RBFOX1: variants seen among roughly 807,000 people sequenced by gnomAD.
RBFOX1 encodes the protein RNA binding fox-1 homolog 1.
RBFOX1 carries 8 observed loss-of-function variants against 57.7 expected under a neutral mutation model. The observed-to-expected ratio is 0.14, with a 90% CI of 0.08 to 0.25. The LOEUF (loss-of-function observed/expected upper bound fraction) is 0.25, where lower values mean the gene tolerates loss of function less well. Ranked by LOEUF, RBFOX1 falls within the 10% of genes least tolerant of loss-of-function variation. The pLI is 1.00. For missense variants in RBFOX1, 611 were observed against 548.5 expected (o/e 1.11, Z -1.14); for synonymous variants, 326 against 222.4 (o/e 1.47, Z -4.15).
rs1568051049 is a variant in RBFOX1 at position 7,289,616 on chromosome 16, CCAT to C, written c.28-228522_28-228520del. Among the ~76,000 whole-genome samples, 3 of 152,058 alleles carry C rather than the reference CCAT, an allele frequency of 2.0e-5. No homozygotes were observed. The East Asian group carries it at 5.8e-4, about 29-fold the overall frequency. On this transcript the variant is annotated intron_variant, in intron 4 of 15. Transcript: ENST00000550418. ...ACCATCACTTTCATCATAGTCATCA[CCAT>C]CATCATCACCATGATCATGATCATC...
At chr16:5,867,179 G>GTGT (rs2057362113) in intron 3 of RBFOX1, 1 of 444,396 alleles carries the variant, frequency 2.3e-6, no homozygotes, top group South Asian at 1.3e-4. Context: ...TGTGTGGTGT[G>GTGT]TGTTGCAACC....
chr16:6,629,413 T>C (rs1252781722), intron 2 of RBFOX1, among the ~76,000 whole-genome samples: 1 of 152,236 alleles, frequency 6.6e-6, no homozygotes, highest in African/African-American at 2.4e-5. Context: ...GCTACAATTT[T>C]TCAAAGTCAG....
chr16:6,848,954 C>T (rs1488832878), intron 3 of RBFOX1, among the ~76,000 whole-genome samples: 2 of 152,156 alleles, frequency 1.3e-5, no homozygotes, highest in African/African-American at 4.8e-5. Context: ...TTCTACCTTG[C>T]TTCATGCACG....
chr16:6,585,002 C>G (rs546865835), intron 2 of RBFOX1, among the ~76,000 whole-genome samples: 1 of 152,174 alleles, frequency 6.6e-6, no homozygotes, highest in Non-Finnish European at 1.5e-5. Flanking sequence ...ACCAAAGCTG[C>G]AGGCAAGCGG....
At chr16:6,736,434 C>T (rs915601510) in intron 3 of RBFOX1, among the ~76,000 whole-genome samples, 8 of 152,184 alleles carry the variant, frequency 5.3e-5, no homozygotes, top group Admixed American at 3.3e-4. Flanking sequence ...TGAGTTACAT[C>T]ACTTAGAGTA....
chr16:5,760,826 G>A (rs1050227981), intron 3 of RBFOX1, among the ~76,000 whole-genome samples: 7 of 152,182 alleles, frequency 4.6e-5, no homozygotes, highest in African/African-American at 1.2e-4. Context: ...TAGGTTGGTC[G>A]TTACTGGGAG....
chr16:6,401,191 A>G (rs1441634505), intron 2 of RBFOX1, among the ~76,000 whole-genome samples: 1 of 152,200 alleles, frequency 6.6e-6, no homozygotes, highest in East Asian at 1.9e-4. Flanking sequence ...TCAAAGAATG[A>G]TGGGAGCATG....
chr16:6,494,323 C>T (rs929991436), intron 2 of RBFOX1, among the ~76,000 whole-genome samples: 3 of 152,180 alleles, frequency 2.0e-5, no homozygotes, highest in Non-Finnish European at 4.4e-5. Context: ...AGGTACTGAG[C>T]AGTTCCATCC....
At chr16:5,698,420 T>C (rs747643482) in intron 3 of RBFOX1, among the ~76,000 whole-genome samples, 2 of 152,204 alleles carry the variant, frequency 1.3e-5, no homozygotes, top group African/African-American at 2.4e-5. Context: ...TATTGGCTTA[T>C]TGTAGTTTCC....
At chr16:5,608,435 T>G (rs1301045511) in intron 3 of RBFOX1, among the ~76,000 whole-genome samples, 1 of 152,216 alleles carries the variant, frequency 6.6e-6, no homozygotes, top group Non-Finnish European at 1.5e-5. Flanking sequence ...TGTGCATGGC[T>G]GGGAACCAGG....
At chr16:7,331,506 G>C (rs1385839966) in intron 4 of RBFOX1, among the ~76,000 whole-genome samples, 1 of 152,156 alleles carries the variant, frequency 6.6e-6, no homozygotes, top group African/African-American at 2.4e-5. Flanking sequence ...ATTGTTATCT[G>C]AGCCTTCAGT....
Position 7,587,307 on chromosome 16 carries a change from A to C in RBFOX1, c.468+7A>C. 6.5e-7 allele frequency: 1 copy of C among 1,550,156 alleles called. No homozygotes were observed. Among genetic ancestry groups the C allele is most frequent in the Non-Finnish European group, 8.7e-7 (1 of 1,150,654 alleles). ...TAATGAGCGAGGCTCAAAGGTAAGCAACTTAATTCACTTTAGAATTGTTTA... is the reference window on the plus strand; with the variant it reads ...TAATGAGCGAGGCTCAAAGGTAAGCCACTTAATTCACTTTAGAATTGTTTA... On this transcript the variant is annotated splice_region_variant and intron_variant, in intron 7 of 15. Coordinates refer to ENST00000550418, the MANE Select transcript of RBFOX1 (RefSeq NM_018723.4).
chr16:7,498,163 C>T (rs756569499), intron 4 of RBFOX1, among the ~76,000 whole-genome samples: 8 of 152,042 alleles, frequency 5.3e-5, no homozygotes, highest in Non-Finnish European at 1.0e-4. Flanking sequence ...ACAAAGGTGG[C>T]GTGTGGGGTG....
intron 4 of RBFOX1, among the ~76,000 whole-genome samples, chr16:7,116,710 G>C (rs1395578430): frequency 2.0e-5 from 3 of 152,108 alleles, no homozygotes; most frequent in Non-Finnish European, 2.9e-5. Flanking sequence ...TACTGTTAAG[G>C]TACGTGGAGA....
At chr16:5,326,820 C>T (rs1180383832) in intron 1 of RBFOX1, among the ~76,000 whole-genome samples, 1 of 152,202 alleles carries the variant, frequency 6.6e-6, no homozygotes, top group African/African-American at 2.4e-5. Context: ...TCTGCTAATT[C>T]CATTTTAATA....
chr16:6,915,705 C>T (rs1043327589), intron 3 of RBFOX1, among the ~76,000 whole-genome samples: 3 of 151,908 alleles, frequency 2.0e-5, no homozygotes, highest in Non-Finnish European at 2.9e-5. Context: ...TGCGCACCAC[C>T]ATGCCTGACT....
At chr16:5,615,020 T>G (rs2047969888) in intron 3 of RBFOX1, among the ~76,000 whole-genome samples, 1 of 152,080 alleles carries the variant, frequency 6.6e-6, no homozygotes. Context: ...CAACAGAAAG[T>G]GTGTAGCATT....
chr16:6,810,981 C>G (rs1403067250), intron 3 of RBFOX1, among the ~76,000 whole-genome samples: 1 of 152,104 alleles, frequency 6.6e-6, no homozygotes, highest in African/African-American at 2.4e-5. Flanking sequence ...AAATGCTATT[C>G]CAGAACGGAT....
At chr16:5,631,779 A>G (rs1337418999) in intron 3 of RBFOX1, among the ~76,000 whole-genome samples, 2 of 152,026 alleles carry the variant, frequency 1.3e-5, no homozygotes, top group African/African-American at 4.8e-5. Flanking sequence ...AAGTGTCCAG[A>G]GTCTGGTGAA....
Sources: gnomAD v4.1 joint callset for allele counts (sites outside exome capture counted in the v4.1 genomes callset) on GRCh38, gnomAD v4.1.1 for gene constraint, MANE v1.5 for transcripts, NCBI Gene and HGNC (gene_info 2026-07-23, HGNC 2026-07-21) for gene names.